The following SH3GL2 variants were observed in gnomAD, a reference collection of about 807,000 sequenced individuals.
SH3GL2 encodes SH3 domain containing GRB2 like 2, endophilin A1.
A neutral mutation model predicts 46.0 loss-of-function variants in SH3GL2; 24 were observed. The ratio of observed to expected loss-of-function variants is 0.52; its 90% CI spans 0.38 to 0.73. SH3GL2 has a LOEUF of 0.73. Ranked by LOEUF, SH3GL2 falls within the 30% of genes least tolerant of loss-of-function variation. The pLI, the probability that SH3GL2 is intolerant of heterozygous loss-of-function variation, is 0.00. For synonymous variants in SH3GL2, 196 were observed against 147.1 expected (o/e 1.33, Z -2.40); for missense variants, 413 against 424.2 (o/e 0.97, Z 0.23).
intron 1 of SH3GL2, among the ~76,000 whole-genome samples, chr9:17,664,109 A>G (rs1440452046): frequency 6.6e-6 from 1 of 152,210 alleles, no homozygotes; most frequent in Non-Finnish European, 1.5e-5. Context: ...CCACCCTCCT[A>G]GCATTAATTC....
At chr9:17,690,653 G>T (rs1821052874) in intron 1 of SH3GL2, among the ~76,000 whole-genome samples, 1 of 152,030 alleles carries the variant, frequency 6.6e-6, no homozygotes, top group South Asian at 2.1e-4. Flanking sequence ...GCTTGCATGT[G>T]GCAATCTACC....
intron 1 of SH3GL2, among the ~76,000 whole-genome samples, chr9:17,697,090 TAGAG>T: frequency 6.6e-6 from 1 of 152,220 alleles, no homozygotes; most frequent in Non-Finnish European, 1.5e-5. Flanking sequence ...CACAGGGTAT[TAGAG>T]AGGCCACATG....
At position 17,796,303 on chromosome 9, in the gene SH3GL2, A is replaced by G. The variant is rs1019161265; in HGVS notation, c.*560A>G. ...TGGGTTCAAAGCATTCTCTGCAAAT[A>G]GGCATCTCAGCTCCTCACACTTATG... On this transcript the variant is annotated 3_prime_UTR_variant, in exon 9 of 9. Transcript: ENST00000380607. 1.3e-5 allele frequency: 2 copies of G among 152,866 alleles called. No individual in the cohort carries two copies. Among genetic ancestry groups the G allele is most frequent in the Admixed American group, 6.5e-5 (1 of 15,292 alleles). 9.5% of individuals were successfully genotyped at this position (152,866 alleles called of 1,614,324 possible). A position where few individuals can be genotyped will look rare whatever the true frequency, so the allele number is the denominator to read the frequency against.
intron 1 of SH3GL2, among the ~76,000 whole-genome samples, chr9:17,673,090 C>A (rs951290779): frequency 9.9e-5 from 15 of 151,956 alleles, no homozygotes; most frequent in Non-Finnish European, 1.5e-4. Flanking sequence ...CTTCAATAGT[C>A]CTCCCTAATA....
chr9:17,599,874 G>A (rs1003847313), intron 1 of SH3GL2, among the ~76,000 whole-genome samples: 3 of 150,792 alleles, frequency 2.0e-5, no homozygotes, highest in African/African-American at 7.3e-5. Context: ...AATATAAACG[G>A]TGAATATATA....
At chr9:17,664,769 C>A (rs1820301657) in intron 1 of SH3GL2, among the ~76,000 whole-genome samples, 1 of 151,464 alleles carries the variant, frequency 6.6e-6, no homozygotes, top group Non-Finnish European at 1.5e-5. Context: ...TATTTTTCAG[C>A]CACTTTCATG....
intron 1 of SH3GL2, among the ~76,000 whole-genome samples, chr9:17,690,127 G>C (rs1821035552): frequency 6.6e-6 from 1 of 152,046 alleles, no homozygotes; most frequent in Non-Finnish European, 1.5e-5. Context: ...TTTCCCTTCT[G>C]GATTGCCAAA....
At chr9:17,630,957 G>C (rs538954930) in intron 1 of SH3GL2, among the ~76,000 whole-genome samples, 1 of 151,992 alleles carries the variant, frequency 6.6e-6, no homozygotes, top group South Asian at 2.1e-4. Context: ...AGGAATGTGA[G>C]TGTTCAGCAT....
At chr9:17,649,916 T>C (rs369829565) in intron 1 of SH3GL2, among the ~76,000 whole-genome samples, 33 of 152,330 alleles carry the variant, frequency 2.2e-4, no homozygotes, top group African/African-American at 7.2e-4. Flanking sequence ...AAATGGTGTT[T>C]AGTATATCTA....
intron 1 of SH3GL2, among the ~76,000 whole-genome samples, chr9:17,614,136 G>A (rs1818929880): frequency 6.6e-6 from 1 of 151,880 alleles, no homozygotes; most frequent in Non-Finnish European, 1.5e-5. Context: ...CTTTGGGATG[G>A]AAAGTTCTTT....
At chr9:17,667,850 T>C (rs980817283) in intron 1 of SH3GL2, among the ~76,000 whole-genome samples, 5 of 152,186 alleles carry the variant, frequency 3.3e-5, no homozygotes, top group African/African-American at 9.7e-5. Context: ...AACCATCTTA[T>C]TGGGTGTGAA....
At chr9:17,787,020 T>G (rs1009341149) in intron 4 of SH3GL2, among the ~76,000 whole-genome samples, 1 of 152,158 alleles carries the variant, frequency 6.6e-6, no homozygotes, top group Non-Finnish European at 1.5e-5. Context: ...CACCCCCTTG[T>G]GATGTGGGAT....
At chr9:17,717,891 C>T (rs1312930828) in intron 1 of SH3GL2, among the ~76,000 whole-genome samples, 4 of 152,002 alleles carry the variant, frequency 2.6e-5, no homozygotes, top group African/African-American at 2.4e-5. Flanking sequence ...TTGACCTTTT[C>T]GGTGTTAAGG....
chr9:17,747,275 A>G (rs1012648738), intron 2 of SH3GL2, 141 bp downstream of exon 2: 1 of 579,852 alleles, frequency 1.7e-6, no homozygotes, highest in Non-Finnish European at 3.1e-6. Context: ...ACTACTTTTC[A>G]TGTATGTTTT....
chr9:17,593,521 CTG>C (rs1046257931), intron 1 of SH3GL2, among the ~76,000 whole-genome samples: 1 of 152,090 alleles, frequency 6.6e-6, no homozygotes, highest in African/African-American at 2.4e-5. Context: ...ATAGGAGAAA[CTG>C]TGTTTGTTTT....
chr9:17,672,562 T>C (rs1460720922), intron 1 of SH3GL2, among the ~76,000 whole-genome samples: 1 of 152,180 alleles, frequency 6.6e-6, no homozygotes, highest in African/African-American at 2.4e-5. Flanking sequence ...GTGGGGATCC[T>C]GATCTGTAAT....
intron 1 of SH3GL2, among the ~76,000 whole-genome samples, chr9:17,634,758 C>T (rs771219988): frequency 2.0e-5 from 3 of 152,164 alleles, no homozygotes; most frequent in Non-Finnish European, 2.9e-5. Context: ...TTGGCCATGT[C>T]AGTCAGCCAA....
At chr9:17,622,241 C>T (rs980310034) in intron 1 of SH3GL2, among the ~76,000 whole-genome samples, 1 of 152,082 alleles carries the variant, frequency 6.6e-6, no homozygotes, top group African/African-American at 2.4e-5. Flanking sequence ...AAAGTTTGTC[C>T]ACCCATCTGC....
intron 1 of SH3GL2, among the ~76,000 whole-genome samples, chr9:17,665,867 TCATC>T (rs879688549): frequency 6.7e-6 from 1 of 148,808 alleles, no homozygotes; most frequent in Non-Finnish European, 1.5e-5. Flanking sequence ...ATCTGTCTGT[TCATC>T]CATCCATCCA....
Sources: gnomAD v4.1 joint callset for allele counts (sites outside exome capture counted in the v4.1 genomes callset) on GRCh38, gnomAD v4.1.1 for gene constraint, MANE v1.5 for transcripts, NCBI Gene and HGNC (gene_info 2026-07-23, HGNC 2026-07-21) for gene names.